PPFIBP2: variants seen among roughly 807,000 people sequenced by gnomAD.
PPFIBP2 encodes the protein liprin-beta-2.
Under a neutral mutation model 118.3 loss-of-function variants are expected in PPFIBP2, and 118 were observed. The observed-to-expected ratio is 1.00, with a 90% confidence interval of 0.86 to 1.16. PPFIBP2 has a LOEUF of 1.16. Ranked by LOEUF, PPFIBP2 falls within the 50% of genes most tolerant of loss-of-function variation. The pLI is 0.00. For missense variants in PPFIBP2, 1,195 were observed against 1,073.1 expected (o/e 1.11, Z -1.59); for synonymous variants, 414 against 397.4 (o/e 1.04, Z -0.50).
chr11:7,656,800 T>A, downstream of PPFIBP2: 1 of 1,289,798 alleles, frequency 7.8e-7, no homozygotes, highest in Non-Finnish European at 1.0e-6. Context: ...TGGAGATGAC[T>A]TTCTTCGTGG....
chr11:7,666,618 C>T, the PPFIBP2 span: 21 of 1,169,448 alleles, frequency 1.8e-5, no homozygotes, highest in African/African-American at 4.6e-5. Flanking sequence ...CTGACTACAC[C>T]GGTCAGCATA....
At chr11:7,595,193 C>A (rs1860070102) in intron 4 of PPFIBP2, among the ~76,000 whole-genome samples, 2 of 152,114 alleles carry the variant, frequency 1.3e-5, no homozygotes. Flanking sequence ...GGCCATTGTG[C>A]CTGCAGTCTG....
chr11:7,634,613 C>T, intron 13 of PPFIBP2, 61 bp downstream of exon 13: 1 of 1,306,930 alleles, frequency 7.7e-7, no homozygotes, highest in South Asian at 1.2e-5. Context: ...TAGCATAGTA[C>T]TGGGATATAC....
intron 6 of PPFIBP2, among the ~76,000 whole-genome samples, chr11:7,618,891 T>G (rs1243578530): frequency 1.3e-5 from 2 of 151,214 alleles, no homozygotes; most frequent in East Asian, 2.0e-4. Context: ...AGAAGTTTTT[T>G]TTTTTTTTTT....
intron 2 of PPFIBP2, among the ~76,000 whole-genome samples, chr11:7,562,355 C>T (rs1332828875): frequency 6.6e-6 from 1 of 152,200 alleles, no homozygotes; most frequent in African/African-American, 2.4e-5. Flanking sequence ...ATGGACTTTT[C>T]CATAGGGATG....
chr11:7,647,638 TTGTA>T (rs1393808956), intron 17 of PPFIBP2, among the ~76,000 whole-genome samples: 3 of 152,226 alleles, frequency 2.0e-5, no homozygotes, highest in Non-Finnish European at 4.4e-5. Context: ...TTATTGATCT[TTGTA>T]TGTAACATAC....
the PPFIBP2 span, chr11:7,665,886 A>C: frequency 6.5e-7 from 1 of 1,536,120 alleles, no homozygotes; most frequent in Non-Finnish European, 8.7e-7. Flanking sequence ...GCCTGGTGTT[A>C]GTGGAACTGC....
In PPFIBP2 at chr11:7,593,276, G is replaced by C. The variant is rs11041466; in HGVS notation, c.372+52G>C. The C allele has an allele frequency of 3.8e-6, 6 of 1,592,110 alleles. No individual in the cohort carries two copies. The African/African-American group carries it at 8.1e-5, about 21-fold the overall frequency. On this transcript the variant is annotated intron_variant, in intron 4 of 23. Coordinates refer to ENST00000299492, the MANE Select transcript of PPFIBP2 (RefSeq NM_003621.5). ...TTATCCTGTTACCTCCTACTATGTA[G>C]CTTCCCCTAAGTGGAAGGGAAGCCC...
intron 17 of PPFIBP2, among the ~76,000 whole-genome samples, chr11:7,644,274 G>C (rs1303583275): frequency 2.6e-5 from 4 of 152,120 alleles, no homozygotes; most frequent in African/African-American, 7.2e-5. Context: ...ATAGAATTAG[G>C]TTCATCCACT....
chr11:7,666,625 C>A, the PPFIBP2 span: 2 of 1,102,000 alleles, frequency 1.8e-6, no homozygotes, highest in African/African-American at 1.6e-5. Context: ...CACCGGTCAG[C>A]ATACTCCTGG....
At chr11:7,652,678 G>A (rs1043612202) in intron 23 of PPFIBP2, among the ~76,000 whole-genome samples, 11 of 152,230 alleles carry the variant, frequency 7.2e-5, no homozygotes, top group African/African-American at 2.7e-4. Flanking sequence ...GCTGTGCTGA[G>A]GCAAGTTCTC....
intron 1 of PPFIBP2, among the ~76,000 whole-genome samples, chr11:7,519,129 A>G (rs1241659229): frequency 6.6e-6 from 1 of 151,738 alleles, no homozygotes; most frequent in East Asian, 1.9e-4. Context: ...ATGGCAGCTG[A>G]GAAGATGGCG....
chr11:7,602,358 A>G (rs1053812263), intron 5 of PPFIBP2, among the ~76,000 whole-genome samples: 1 of 152,226 alleles, frequency 6.6e-6, no homozygotes, highest in African/African-American at 2.4e-5. Flanking sequence ...TATGCTGGCA[A>G]CAAAAATCTC....
chr11:7,665,548 T>G, the PPFIBP2 span: 3 of 1,598,228 alleles, frequency 1.9e-6, no homozygotes, highest in Admixed American at 1.7e-5. Flanking sequence ...ACTTCCAGCC[T>G]GAAATGAAGG....
intron 1 of PPFIBP2, among the ~76,000 whole-genome samples, chr11:7,518,370 T>C (rs529135075): frequency 5.5e-4 from 83 of 152,168 alleles, no homozygotes; most frequent in Non-Finnish European, 1.0e-3. Flanking sequence ...GTCAGGACTT[T>C]GGGTGATTTC....
chr11:7,586,870 G>C (rs1858310519), intron 3 of PPFIBP2, among the ~76,000 whole-genome samples: 1 of 152,200 alleles, frequency 6.6e-6, no homozygotes, highest in Admixed American at 6.5e-5. Flanking sequence ...CATTTGTACA[G>C]CTGTGTCTGA....
chr11:7,651,477 T>C lies in PPFIBP2; in HGVS notation c.2248-179T>C, dbSNP rs1054576346. ...TGGTCAGTCAGCACATGTGCTAGTA[T>C]GTGCTCAGAGCCAGGCCCTGTGCCA... On this transcript the variant is annotated intron_variant, in intron 22 of 23. Coordinates refer to ENST00000299492, the MANE Select transcript of PPFIBP2 (RefSeq NM_003621.5). The C allele has an allele frequency of 5.3e-6, 3 of 567,420 alleles. No individual in the cohort carries two copies. The Admixed American group carries it at 9.1e-5, about 17-fold the overall frequency. The allele number at this position is 567,420 out of a possible 1,614,324, so 35.1% of individuals were successfully genotyped here.
chr11:7,622,124 G>C (rs1166665841), intron 7 of PPFIBP2, among the ~76,000 whole-genome samples: 2 of 152,222 alleles, frequency 1.3e-5, no homozygotes, highest in Admixed American at 6.5e-5. Context: ...GGTTTTACAG[G>C]AAGCATGGTG....
intron 1 of PPFIBP2, among the ~76,000 whole-genome samples, chr11:7,524,440 A>G (rs1481986541): frequency 6.6e-6 from 1 of 152,176 alleles, no homozygotes; most frequent in Non-Finnish European, 1.5e-5. Flanking sequence ...CTTCCACAGG[A>G]AAGGATAGAG....
Sources: allele counts gnomAD v4.1 joint callset (sites outside exome capture counted in the v4.1 genomes callset), GRCh38; gene constraint gnomAD v4.1.1; transcripts MANE v1.5; gene names NCBI Gene and HGNC (gene_info 2026-07-23, HGNC 2026-07-21).